The following RALYL variants were observed in gnomAD, a reference collection of about 807,000 sequenced individuals.
The protein encoded by RALYL is RALY RNA binding protein like.
RALYL carries 29 observed loss-of-function variants against 35.1 expected under a neutral mutation model. That is an observed-to-expected ratio of 0.83 (90% CI 0.61 to 1.13). The LOEUF is 1.13. Among genes scored for constraint, RALYL ranks in the 50% most tolerant of loss-of-function variants. The pLI is 0.00. For synonymous variants in RALYL, 120 were observed against 127.6 expected (o/e 0.94, Z 0.40); for missense variants, 359 against 360.4 (o/e 1.00, Z 0.03).
chr8:84,484,477 G>A (rs1377349356), intron 1 of RALYL, among the ~76,000 whole-genome samples: 6 of 151,972 alleles, frequency 3.9e-5, no homozygotes, highest in Admixed American at 1.3e-4. Flanking sequence ...GATAACAAGC[G>A]GAAGAAAGAA....
chr8:84,722,026 A>G (rs1217923930), intron 2 of RALYL, among the ~76,000 whole-genome samples: 2 of 152,112 alleles, frequency 1.3e-5, no homozygotes, highest in African/African-American at 4.8e-5. Context: ...CAATACGTGG[A>G]TGTACAATGT....
chr8:84,367,948 C>A (rs549277770), intron 1 of RALYL, among the ~76,000 whole-genome samples: 5 of 152,160 alleles, frequency 3.3e-5, no homozygotes, highest in East Asian at 3.9e-4. Context: ...AAAAAGTCAC[C>A]TTTTCCTTCC....
intron 1 of RALYL, among the ~76,000 whole-genome samples, chr8:84,190,879 T>TC (rs1813680402): frequency 6.6e-6 from 1 of 151,788 alleles, no homozygotes; most frequent in Non-Finnish European, 1.5e-5. Flanking sequence ...TGCTTTTTTT[T>TC]TTGAGTGAAT....
At chr8:84,515,508 G>A (rs906938907) in intron 1 of RALYL, among the ~76,000 whole-genome samples, 2 of 152,090 alleles carry the variant, frequency 1.3e-5, no homozygotes, top group African/African-American at 4.8e-5. Context: ...ATTAACAACA[G>A]TAGTCAAAAC....
intron 1 of RALYL, among the ~76,000 whole-genome samples, chr8:84,391,530 A>G (rs189342148): frequency 1.4e-4 from 21 of 152,120 alleles, no homozygotes; most frequent in African/African-American, 3.9e-4. Context: ...TCATTGTACT[A>G]TTTACCTCCA....
At chr8:84,781,880 TTGAATATGTG>T (rs1216920247) in intron 3 of RALYL, among the ~76,000 whole-genome samples, 1 of 152,174 alleles carries the variant, frequency 6.6e-6, no homozygotes, top group Non-Finnish European at 1.5e-5. Context: ...AAGAAAATAC[TTGAATATGTG>T]TGAGAAGAAA....
intron 2 of RALYL, among the ~76,000 whole-genome samples, chr8:84,641,807 A>C (rs1269943482): frequency 1.1e-4 from 16 of 151,264 alleles, no homozygotes. Context: ...AAAAAAAAAA[A>C]ACTCATATAC....
At chr8:84,716,373 G>T (rs990096442) in intron 2 of RALYL, among the ~76,000 whole-genome samples, 3 of 152,010 alleles carry the variant, frequency 2.0e-5, no homozygotes, top group Non-Finnish European at 4.4e-5. Flanking sequence ...TGAGAGGTTG[G>T]CTCACAATTA....
At chr8:84,332,689 T>G (rs1397649127) in intron 1 of RALYL, among the ~76,000 whole-genome samples, 1 of 152,162 alleles carries the variant, frequency 6.6e-6, no homozygotes, top group Non-Finnish European at 1.5e-5. Context: ...ATTTTCCTTT[T>G]ATTGCCTGCT....
intron 5 of RALYL, among the ~76,000 whole-genome samples, chr8:84,855,519 A>C (rs908709219): frequency 6.6e-6 from 1 of 152,172 alleles, no homozygotes; most frequent in African/African-American, 2.4e-5. Flanking sequence ...GGTTATTCTA[A>C]ATTCTTATCT....
intron 1 of RALYL, among the ~76,000 whole-genome samples, chr8:84,389,682 T>C (rs374575481): frequency 6.6e-6 from 1 of 150,884 alleles, no homozygotes. Context: ...GTGATTTTTG[T>C]ACATTGATTT....
intron 1 of RALYL, among the ~76,000 whole-genome samples, chr8:84,283,700 A>T (rs1458722253): frequency 6.6e-6 from 1 of 152,156 alleles, no homozygotes; most frequent in African/African-American, 2.4e-5. Flanking sequence ...CACCCAAAAT[A>T]ATCTTTTACA....
chr8:84,842,903 G>A (rs1833753591), intron 4 of RALYL, among the ~76,000 whole-genome samples: 1 of 152,122 alleles, frequency 6.6e-6, no homozygotes, highest in South Asian at 2.1e-4. Context: ...AAAGGCCTTT[G>A]ACAAAATTCA....
intron 6 of RALYL, chr8:84,864,860 C>T: frequency 3.9e-6 from 2 of 508,872 alleles, no homozygotes; most frequent in Admixed American, 4.8e-5. Flanking sequence ...TACCCAGAAA[C>T]AAGGGGCAGC....
chr8:84,471,156 A>T (rs1312555636), intron 1 of RALYL, among the ~76,000 whole-genome samples: 2 of 152,244 alleles, frequency 1.3e-5, no homozygotes, highest in Non-Finnish European at 2.9e-5. Context: ...TCTTGGACAG[A>T]GAAAGTCAAA....
At chr8:84,496,618 G>A (rs1485277621) in intron 1 of RALYL, among the ~76,000 whole-genome samples, 1 of 152,036 alleles carries the variant, frequency 6.6e-6, no homozygotes, top group Non-Finnish European at 1.5e-5. Flanking sequence ...GCAAACATAA[G>A]TTTACCTATA....
intron 2 of RALYL, among the ~76,000 whole-genome samples, chr8:84,609,150 C>T (rs1425479868): frequency 6.6e-6 from 1 of 152,108 alleles, no homozygotes; most frequent in African/African-American, 2.4e-5. Context: ...ATTGCTGCTC[C>T]ATACATCAAA....
At chr8:84,392,734 C>A (rs1396068640) in intron 1 of RALYL, among the ~76,000 whole-genome samples, 2 of 151,938 alleles carry the variant, frequency 1.3e-5, no homozygotes, top group African/African-American at 4.8e-5. Flanking sequence ...GGTATACTTA[C>A]ACAATGGGTG....
chr8:84,736,421 A>G (rs373923561), intron 2 of RALYL, among the ~76,000 whole-genome samples: 18 of 152,270 alleles, frequency 1.2e-4, no homozygotes, highest in African/African-American at 4.3e-4. Context: ...AATCCAGTGG[A>G]AACTTTAGTG....
Sources: allele counts gnomAD v4.1 joint callset (sites outside exome capture counted in the v4.1 genomes callset), GRCh38; gene constraint gnomAD v4.1.1; transcripts MANE v1.5; gene names NCBI Gene and HGNC (gene_info 2026-07-23, HGNC 2026-07-21).